Variants in LRRK2 observed in about 807,000 individuals in gnomAD.
The protein encoded by LRRK2 is leucine rich repeat kinase 2.
A neutral mutation model predicts 302.6 loss-of-function variants in LRRK2; 203 were observed. The ratio of observed to expected loss-of-function variants is 0.67; its 90% CI spans 0.60 to 0.75. LRRK2 has a LOEUF of 0.75. Ranked by LOEUF, LRRK2 falls within the 30% of genes least tolerant of loss-of-function variation. LRRK2 has a pLI of 0.00. For synonymous variants in LRRK2, 1,066 were observed against 1,031.9 expected (o/e 1.03, Z -0.63); for missense variants, 2,830 against 2,951.0 (o/e 0.96, Z 0.95).
chr12:40,291,271 G>A (rs1385387524), intron 20 of LRRK2, among the ~76,000 whole-genome samples: 1 of 151,318 alleles, frequency 6.6e-6, no homozygotes, highest in East Asian at 1.9e-4. Flanking sequence ...ACACACCAGG[G>A]CCTGTTGTGG....
intron 39 of LRRK2, among the ~76,000 whole-genome samples, chr12:40,330,692 A>C (rs17444124): frequency 0.42 from 64,265 of 151,878 alleles, 13,781 homozygotes; most frequent in South Asian, 0.53. Flanking sequence ...AAACCCAGTC[A>C]AGGCTCTGCT....
At chr12:40,291,513 C>T (rs1043129470) in intron 20 of LRRK2, among the ~76,000 whole-genome samples, 3 of 151,252 alleles carry the variant, frequency 2.0e-5, no homozygotes, top group Admixed American at 2.0e-4. Context: ...CATTTATTTT[C>T]CAAATATTTG....
chr12:40,268,492 T>C (rs750614348), intron 14 of LRRK2, among the ~76,000 whole-genome samples: 1 of 152,112 alleles, frequency 6.6e-6, no homozygotes, highest in Non-Finnish European at 1.5e-5. Context: ...TACAGAAAAC[T>C]ATGAAGCTTA....
intron 6 of LRRK2, among the ~76,000 whole-genome samples, chr12:40,242,545 T>C (rs1228429392): frequency 6.6e-6 from 1 of 151,952 alleles, no homozygotes; most frequent in Non-Finnish European, 1.5e-5. Context: ...CCACCTATTT[T>C]GGAGCCTTCA....
intron 25 of LRRK2, 81 bp from the exon 26 acceptor site, chr12:40,302,708 T>G: frequency 1.0e-6 from 1 of 959,270 alleles, no homozygotes; most frequent in Non-Finnish European, 1.7e-6. Context: ...TGACACACTA[T>G]TGGTAGCTGT....
chr12:40,344,501 G>A (rs10459265), intron 41 of LRRK2, among the ~76,000 whole-genome samples: 75,450 of 151,936 alleles, frequency 0.5, 18,851 homozygotes, highest in South Asian at 0.59. Flanking sequence ...TTCATTATCT[G>A]TGTGGCCTTA....
chr12:40,366,757 A>G, intron 49 of LRRK2: 1 of 417,818 alleles, frequency 2.4e-6, no homozygotes, highest in Non-Finnish European at 4.4e-6. Flanking sequence ...CCTATTTTAT[A>G]GAAAGGTTAA....
rs767307387 is a variant in LRRK2, at chr12:40,320,041, G to A, written c.4881G>A (p.Ser1627=). The A allele has an allele frequency of 5.9e-5, 95 of 1,611,558 alleles. No homozygotes were observed. The South Asian group carries it at 6.3e-4, about 11-fold the overall frequency. The change falls in exon 34 of 51, where the codon TCG becomes TCA. Residue 1627 remains serine, a synonymous_variant. Transcript: ENST00000298910. ...CAAAACACCCTAAGGGCATTATTTC[G>A]CGTAGAGATGTGGAAAAATTTCTTT... ...GCPKHPKGII[S]RRDVEKFLSK... is the part of the protein sequence containing the mutation.
At chr12:40,305,256 G>T (rs1944778184) in intron 27 of LRRK2, among the ~76,000 whole-genome samples, 1 of 152,054 alleles carries the variant, frequency 6.6e-6, no homozygotes, top group Non-Finnish European at 1.5e-5. Flanking sequence ...CTGATTTTTT[G>T]CCAGCAAATG....
chr12:40,351,510 A>T, intron 43 of LRRK2, 29 bp from the exon 44 acceptor site: 1 of 1,604,084 alleles, frequency 6.2e-7, no homozygotes, highest in Non-Finnish European at 8.5e-7. Context: ...CTCGATAAGT[A>T]CTGTTTTGTT....
At chr12:40,277,818 T>TC (rs1943523375) in intron 16 of LRRK2, 70 bp from the exon 17 acceptor site, 1 of 1,384,804 alleles carries the variant, frequency 7.2e-7, no homozygotes, top group African/African-American at 1.4e-5. Context: ...ACAAACTCTC[T>TC]CTGCTTTATA....
At chr12:40,328,492 T>A in intron 39 of LRRK2, 32 bp downstream of exon 39, 2 of 1,453,696 alleles carry the variant, frequency 1.4e-6, no homozygotes, top group Non-Finnish European at 1.9e-6. Flanking sequence ...TTATATTAAA[T>A]TGCACATTAT....
intron 28 of LRRK2, among the ~76,000 whole-genome samples, chr12:40,306,286 A>C (rs1944820469): frequency 6.6e-6 from 1 of 151,066 alleles, no homozygotes; most frequent in African/African-American, 2.4e-5. Context: ...CTAAAGAAAT[A>C]CAGCACAGTA....
chr12:40,246,933 C>A (rs932277895), intron 7 of LRRK2, among the ~76,000 whole-genome samples: 2 of 152,096 alleles, frequency 1.3e-5, no homozygotes, highest in Non-Finnish European at 2.9e-5. Context: ...GTGAGGACAA[C>A]AATGCATTTA....
At chr12:40,301,712 G>A (rs1161098505) in intron 25 of LRRK2, among the ~76,000 whole-genome samples, 4 of 152,010 alleles carry the variant, frequency 2.6e-5, no homozygotes, top group Non-Finnish European at 4.4e-5. Context: ...TCCTCAATCC[G>A]TTTTCCTAGA....
rs10878307 is a variant in LRRK2, at chr12:40,278,187, A to G, written c.2167A>G (p.Ile723Val). Reference sequence around the variant, plus strand: ...GAGAGCGTGTGATCAGAATAACAGCATCATGGTTGAATGCTTGCTTCTATT... The same window carrying G: ...GAGAGCGTGTGATCAGAATAACAGCGTCATGGTTGAATGCTTGCTTCTATT... ...LERACDQNNS[I>V]MVECLLLLGA... Residue 723 changes from isoleucine (I) to valine (V), a missense_variant, in exon 18 of 51, where the codon ATC becomes GTC. This residue lies in a region of LRRK2 where 2,121 missense variants were observed against 2,148.0 expected (regional missense o/e 0.99). Transcript: ENST00000298910. The G allele has an allele frequency of 0.064, 104,014 of 1,614,076 alleles. 3,947 individuals are homozygous for G. The highest frequency in any genetic ancestry group is 0.14 in the Middle Eastern group (858 of 6,062).
intron 28 of LRRK2, among the ~76,000 whole-genome samples, chr12:40,307,469 G>T (rs11564180): frequency 0.13 from 20,119 of 151,866 alleles, 1,610 homozygotes; most frequent in African/African-American, 0.19. Flanking sequence ...TTTCATTCAG[G>T]TTTTACATTA....
chr12:40,335,305 T>A, intron 40 of LRRK2, 148 bp downstream of exon 40: 1 of 947,328 alleles, frequency 1.1e-6, no homozygotes. Flanking sequence ...CCTGATCAAA[T>A]TTTGTAATTT....
chr12:40,364,725 A>C (rs1323062821), intron 48 of LRRK2, 117 bp from the exon 49 acceptor site: 5 of 876,742 alleles, frequency 5.7e-6, no homozygotes, highest in Non-Finnish European at 9.0e-6. Context: ...TTAATGATGC[A>C]TAATGGTGGT....
Sources: allele counts gnomAD v4.1 joint callset (sites outside exome capture counted in the v4.1 genomes callset), GRCh38; gene constraint gnomAD v4.1.1; regional missense constraint gnomAD v4.1.1; transcripts MANE v1.5; gene names NCBI Gene and HGNC (gene_info 2026-07-23, HGNC 2026-07-21).